The following IGF2BP2 variants were observed in gnomAD, a reference collection of about 807,000 sequenced individuals.
IGF2BP2 encodes insulin like growth factor 2 mRNA binding protein 2, also known as insulin-like growth factor 2 mRNA-binding protein 2.
Under a neutral mutation model 75.8 loss-of-function variants are expected in IGF2BP2, and 17 were observed. That is an observed-to-expected ratio of 0.22 (90% confidence interval 0.15 to 0.34). The LOEUF (loss-of-function observed/expected upper bound fraction) is 0.34. Among genes scored for constraint, IGF2BP2 ranks in the 10% least tolerant of loss-of-function variants. The pLI, the probability that IGF2BP2 is intolerant of heterozygous loss-of-function variation, is 1.00. For missense variants in IGF2BP2, 516 were observed against 772.4 expected, an observed-to-expected ratio of 0.67 and a Z score of 3.93; for synonymous variants, 288 against 295.6, an observed-to-expected ratio of 0.97 and a Z score of 0.26.
At chr3:185,766,760 T>C (rs1319404460) in intron 2 of IGF2BP2, among the ~76,000 whole-genome samples, 1 of 152,236 alleles carries the variant, frequency 6.6e-6, no homozygotes, top group Non-Finnish European at 1.5e-5. Context: ...ACCTATTACT[T>C]TCATTTTATC....
At chr3:185,652,703 A>G (rs942687901) in intron 12 of IGF2BP2, among the ~76,000 whole-genome samples, 2 of 152,346 alleles carry the variant, frequency 1.3e-5, no homozygotes, top group Non-Finnish European at 2.9e-5. Flanking sequence ...CAAGTGGGTC[A>G]TAAGTAAAAC....
rs377707538 is a variant in IGF2BP2 at position 185,704,378 on chromosome 3, A to G, written c.240-6031T>C. On this transcript the variant is annotated intron_variant, in intron 2 of 15. Transcript: ENST00000382199. Reference sequence around the variant, plus strand: ...CTGTACAAGGGACATCCTGTGCTAAACTGAACTAGGACCTAGGGCTGCTCA... The same window carrying G: ...CTGTACAAGGGACATCCTGTGCTAAGCTGAACTAGGACCTAGGGCTGCTCA... 7.2e-5 allele frequency among the ~76,000 whole-genome samples: 11 copies of G among 152,284 alleles called. No individual in the cohort carries two copies. The East Asian group carries it at 2.1e-3, about 29-fold the overall frequency.
At chr3:185,719,640 C>G (rs537826871) in intron 2 of IGF2BP2, among the ~76,000 whole-genome samples, 1 of 152,268 alleles carries the variant, frequency 6.6e-6, no homozygotes, top group East Asian at 1.9e-4. Context: ...TCCAGACCAG[C>G]CTGGCCAACG....
rs574602594 is a variant in IGF2BP2, at chr3:185,737,389, G to T, written c.240-39042C>A. On this transcript the variant is annotated intron_variant, in intron 2 of 15. Transcript: ENST00000382199. ...AAAAATATTGGACTGGGAGTCAAAA[G>T]TGGTAGTTCTAGTCCTGGATCTGCT... is the stretch of plus-strand genomic sequence containing the variant. Among the ~76,000 whole-genome samples the T allele has an allele frequency of 5.3e-5, 8 of 152,284 alleles. No homozygotes were observed. The South Asian group carries it at 1.7e-3, about 32-fold the overall frequency.
intron 4 of IGF2BP2, among the ~76,000 whole-genome samples, chr3:185,694,622 C>CT (rs1722347745): frequency 6.6e-6 from 1 of 152,228 alleles, no homozygotes; most frequent in African/African-American, 2.4e-5. Context: ...CAGCTGGAAA[C>CT]TGGGGGGTCT....
chr3:185,672,091 T>C (rs1718592762), intron 10 of IGF2BP2, among the ~76,000 whole-genome samples: 1 of 152,208 alleles, frequency 6.6e-6, no homozygotes, highest in Non-Finnish European at 1.5e-5. Context: ...CTTTTAAAAA[T>C]TGCCTATTAA....
intron 2 of IGF2BP2, among the ~76,000 whole-genome samples, chr3:185,802,220 G>A (rs376940945): frequency 7.7e-6 from 1 of 129,332 alleles, no homozygotes; most frequent in East Asian, 2.1e-4. Context: ...ATGCATCCCA[G>A]AGGAGCACAC....
intron 2 of IGF2BP2, among the ~76,000 whole-genome samples, chr3:185,768,945 T>C (rs1166899042): frequency 6.6e-6 from 1 of 152,214 alleles, no homozygotes; most frequent in Non-Finnish European, 1.5e-5. Context: ...GAGAATTGCT[T>C]GAACCTGGGA....
At chr3:185,812,027 T>C (rs1277662641) in intron 2 of IGF2BP2, among the ~76,000 whole-genome samples, 1 of 152,218 alleles carries the variant, frequency 6.6e-6, no homozygotes, top group Non-Finnish European at 1.5e-5. Context: ...TTTAAAGTAA[T>C]ATCCTGTTTT....
At chr3:185,753,847 G>A (rs1243400831) in intron 2 of IGF2BP2, among the ~76,000 whole-genome samples, 1 of 152,054 alleles carries the variant, frequency 6.6e-6, no homozygotes. Flanking sequence ...AAATTGCTTG[G>A]CACCATCCCC....
chr3:185,654,146 G>GT (rs1440100563), intron 12 of IGF2BP2, among the ~76,000 whole-genome samples: 1 of 152,240 alleles, frequency 6.6e-6, no homozygotes, highest in Non-Finnish European at 1.5e-5. Context: ...TTCTCTGGCT[G>GT]TGACTCCTTG....
chr3:185,668,699 A>T (rs1352642327), intron 10 of IGF2BP2, among the ~76,000 whole-genome samples: 1 of 151,784 alleles, frequency 6.6e-6, no homozygotes, highest in African/African-American at 2.4e-5. Context: ...ATATCTGTTG[A>T]AAATATTTAC....
At chr3:185,689,775 C>T (rs1017667234) in intron 5 of IGF2BP2, 148 bp from the exon 6 acceptor site, 26 of 831,534 alleles carry the variant, frequency 3.1e-5, no homozygotes, top group Admixed American at 9.9e-5. Context: ...GAGACCATCC[C>T]GGCTAAAACG....
intron 7 of IGF2BP2, among the ~76,000 whole-genome samples, chr3:185,677,062 T>TAGAG (rs1174637870): frequency 4.0e-5 from 2 of 50,352 alleles, no homozygotes; most frequent in African/African-American, 1.9e-4. Context: ...TATATATATA[T>TAGAG]ATATATAGAG....
chr3:185,753,317 C>T (rs1383125263), intron 2 of IGF2BP2, among the ~76,000 whole-genome samples: 1 of 152,162 alleles, frequency 6.6e-6, no homozygotes. Context: ...CTCTACTCAG[C>T]CCCTCCAAGT....
chr3:185,771,215 C>T (rs182002428), intron 2 of IGF2BP2, among the ~76,000 whole-genome samples: 62 of 152,116 alleles, frequency 4.1e-4, no homozygotes, highest in South Asian at 1.0e-3. Flanking sequence ...CGAGTTGGGC[C>T]GATCACTTGA....
chr3:185,721,273 A>C (rs922206584), intron 2 of IGF2BP2, among the ~76,000 whole-genome samples: 12 of 152,006 alleles, frequency 7.9e-5, no homozygotes, highest in Non-Finnish European at 1.8e-4. Context: ...GCAGTGGTGC[A>C]ATCTCAGCTC....
intron 2 of IGF2BP2, 30 bp downstream of exon 2, chr3:185,823,123 C>CAAA: frequency 4.6e-6 from 6 of 1,296,238 alleles, no homozygotes; most frequent in Non-Finnish European, 6.3e-6. Flanking sequence ...AGGCCAATCG[C>CAAA]AAAAAAAAAA....
intron 9 of IGF2BP2, chr3:185,675,014 T>C (rs76951303): frequency 0.09 from 14,628 of 161,946 alleles, 745 homozygotes; most frequent in South Asian, 0.15. Flanking sequence ...CTTTTCTTTT[T>C]TTTTTTTTTT....
Sources: gnomAD v4.1 joint callset for allele counts (sites outside exome capture counted in the v4.1 genomes callset) on GRCh38, gnomAD v4.1.1 for gene constraint, MANE v1.5 for transcripts, NCBI Gene and HGNC (gene_info 2026-07-23, HGNC 2026-07-21) for gene names.